TOMM20L: variants seen among roughly 807,000 people sequenced by gnomAD.
The protein encoded by TOMM20L is translocase of outer mitochondrial membrane 20 like, also known as TOMM20-like protein 1.
A neutral mutation model predicts 20.4 loss-of-function variants in TOMM20L; 19 were observed. That is an observed-to-expected ratio of 0.93 (90% confidence interval 0.65 to 1.36). TOMM20L has a LOEUF of 1.36. TOMM20L is among the 40% of genes most tolerant of loss of function. The pLI is 0.00. For missense variants in TOMM20L, 218 were observed against 203.7 expected, an observed-to-expected ratio of 1.07 and a Z score of -0.43; for synonymous variants, 75 against 79.6, an observed-to-expected ratio of 0.94 and a Z score of 0.30.
At chr14:58,414,748 AAAAG>A in the TOMM20L span, among the ~76,000 whole-genome samples, 1 of 151,340 alleles carries the variant, frequency 6.6e-6, no homozygotes, top group Non-Finnish European at 1.5e-5. Context: ...AAAAAAAAAA[AAAAG>A]AAAAAAAAGA....
the TOMM20L span, among the ~76,000 whole-genome samples, chr14:58,415,754 G>A: frequency 6.6e-6 from 1 of 152,088 alleles, no homozygotes; most frequent in African/African-American, 2.4e-5. Flanking sequence ...AGTCCAAGAA[G>A]GAGAGGAAGA....
rs2036109032 is a variant in TOMM20L at position 58,408,622 on chromosome 14, T to C, written c.*40T>C. On this transcript the variant is annotated 3_prime_UTR_variant, in exon 5 of 5. Transcript: ENST00000360945. ...TATCCACAGTCCAGTGAGAATACTA[T>C]GGTACCATACAGTATAAACAACTGC... The C allele has an allele frequency of 6.3e-6, 10 of 1,588,538 alleles. No individual in the cohort carries two copies. In the East Asian group the frequency reaches 2.2e-4, roughly 36 times the overall value.
In TOMM20L at chr14:58,407,370, G is replaced by A. The variant is rs200840319; in HGVS notation, c.307G>A (p.Val103Met). The A allele has an allele frequency of 1.9e-6, 3 of 1,613,534 alleles. No homozygotes were observed. In the African/African-American group the frequency reaches 4.0e-5, roughly 22 times the overall value. The stretch of plus-strand genomic sequence containing the variant: ...TCAACACCTCGGCAATGCCCTTTTA[G>A]TGTGCGAGCAACCACGGGAACTTCT... ...GIQHLGNALL[V>M]CEQPRELLKV... The change falls in exon 4 of 5, where the codon GTG becomes ATG. Residue 103 changes from valine to methionine, a missense_variant. Val to Met is a conservative substitution (Grantham distance 21, BLOSUM62 1). Transcript: ENST00000360945.
chr14:58,402,815 T>G lies in TOMM20L; in HGVS notation c.262+54T>G, dbSNP rs916740459. The G allele has an allele frequency of 1.2e-5, 16 of 1,320,854 alleles. No homozygotes were observed. In the African/African-American group the frequency reaches 2.3e-4, roughly 19 times the overall value. 81.8% of individuals were successfully genotyped at this position (1,320,854 alleles called of 1,614,324 possible). On this transcript the variant is annotated intron_variant, in intron 3 of 4. Transcript: ENST00000360945. ...TATGACAGCTTATACTTGAGAAATA[T>G]TTATTGATTAGTATTTGTATGTCAA...
At chr14:58,402,036 A>G (rs1169754623) in intron 2 of TOMM20L, among the ~76,000 whole-genome samples, 1 of 152,244 alleles carries the variant, frequency 6.6e-6, no homozygotes, top group African/African-American at 2.4e-5. Context: ...TATCCTGGGC[A>G]AGAAAATAAT....
downstream of TOMM20L, chr14:58,410,879 A>T (rs1322497070): frequency 4.3e-6 from 7 of 1,613,006 alleles, no homozygotes; most frequent in Admixed American, 3.3e-5. Context: ...TGAAGTCTTT[A>T]ACACAGTCCA....
chr14:58,413,932 G>A, the TOMM20L span, among the ~76,000 whole-genome samples: 150 of 145,554 alleles, frequency 1.0e-3, 2 homozygotes, highest in East Asian at 0.019. Context: ...GCGTGAACCC[G>A]GGAGGTGGAG....
chr14:58,406,427 A>T (rs2036058194), intron 3 of TOMM20L, among the ~76,000 whole-genome samples: 1 of 152,222 alleles, frequency 6.6e-6, no homozygotes. Flanking sequence ...TTCAACTGAT[A>T]AATGGAAAAC....
chr14:58,405,561 G>A (rs936180848), intron 3 of TOMM20L, among the ~76,000 whole-genome samples: 2 of 152,078 alleles, frequency 1.3e-5, no homozygotes, highest in Admixed American at 6.5e-5. Flanking sequence ...TGTCACCCAC[G>A]CTGGAGTGCA....
In TOMM20L at chr14:58,407,314, A is replaced by T; in HGVS notation, c.263-12A>T. ...TTCAAAATTTTGCTCAAAACTTGTC[A>T]TTCTGTTTCAGGAGAGCACAGAATG... On this transcript the variant is annotated splice_polypyrimidine_tract_variant and intron_variant, in intron 3 of 4. Transcript: ENST00000360945. The T allele has an allele frequency of 6.4e-7, 1 of 1,573,746 alleles. No individual in the cohort carries two copies. Among genetic ancestry groups the T allele is most frequent in the South Asian group, 1.2e-5 (1 of 84,878 alleles).
intron 3 of TOMM20L, among the ~76,000 whole-genome samples, chr14:58,403,949 G>A (rs1380467806): frequency 6.7e-6 from 1 of 148,320 alleles, no homozygotes; most frequent in Non-Finnish European, 1.5e-5. Context: ...TATTATTATT[G>A]TATAAATATT....
intron 1 of TOMM20L, 83 bp downstream of exon 1, chr14:58,396,176 C>T (rs887940381): frequency 2.1e-5 from 29 of 1,381,844 alleles, no homozygotes; most frequent in Admixed American, 6.2e-5. Context: ...ACTGAGAGGC[C>T]GGGCCGTGAG....
downstream of TOMM20L, among the ~76,000 whole-genome samples, chr14:58,409,969 G>T (rs2036161003): frequency 6.6e-6 from 1 of 151,738 alleles, no homozygotes; most frequent in South Asian, 2.1e-4. Context: ...GGGCTTAAGT[G>T]ATCCTCCTAC....
chr14:58,411,134 G>C (rs552948710), downstream of TOMM20L, among the ~76,000 whole-genome samples: 1 of 152,048 alleles, frequency 6.6e-6, no homozygotes, highest in Non-Finnish European at 1.5e-5. Flanking sequence ...ATTTTTCCTT[G>C]ATTATCAGTC....
At chr14:58,408,892 C>A, downstream of TOMM20L, 1 of 1,222,278 alleles carries the variant, frequency 8.2e-7, no homozygotes, top group Non-Finnish European at 1.1e-6. Context: ...GTTTCTCCAG[C>A]GGTTTCCATT....
At chr14:58,402,345 A>G (rs2036002663) in intron 2 of TOMM20L, among the ~76,000 whole-genome samples, 1 of 151,166 alleles carries the variant, frequency 6.6e-6, no homozygotes, top group South Asian at 2.1e-4. Context: ...CTAGAGTGCA[A>G]TGGTGTGATC....
At chr14:58,412,430 G>A (rs1173054365), downstream of TOMM20L, among the ~76,000 whole-genome samples, 3 of 152,118 alleles carry the variant, frequency 2.0e-5, no homozygotes, top group Non-Finnish European at 2.9e-5. Flanking sequence ...GTTAGCCGCC[G>A]TGCCCGGCCA....
chr14:58,415,321 A>AATC, the TOMM20L span, among the ~76,000 whole-genome samples: 3 of 152,236 alleles, frequency 2.0e-5, no homozygotes, highest in Non-Finnish European at 4.4e-5. Context: ...TATATTAAAA[A>AATC]ATCACTCATC....
chr14:58,412,126 C>T (rs530421650), downstream of TOMM20L: 6 of 568,158 alleles, frequency 1.1e-5, no homozygotes, highest in African/African-American at 5.7e-5. Context: ...GACCATAGAA[C>T]CTTACAGTTG....
Sources: allele counts gnomAD v4.1 joint callset (sites outside exome capture counted in the v4.1 genomes callset), GRCh38; gene constraint gnomAD v4.1.1; transcripts MANE v1.5; gene names NCBI Gene and HGNC (gene_info 2026-07-23, HGNC 2026-07-21).